Variants in MTPAP observed in about 807,000 individuals in gnomAD.
MTPAP encodes poly(A) RNA polymerase, mitochondrial.
In MTPAP, 23 loss-of-function variants were observed where a neutral mutation model predicts 48.7. The observed-to-expected ratio is 0.47, with a 90% CI of 0.34 to 0.67. The LOEUF (loss-of-function observed/expected upper bound fraction) is 0.67, where lower values mean the gene tolerates loss of function less well. MTPAP is among the 30% of genes least tolerant of loss of function. The pLI, the probability that MTPAP is intolerant of heterozygous loss-of-function variation, is 0.01. For missense variants in MTPAP, 614 were observed against 694.3 expected (o/e 0.88, Z 1.30); for synonymous variants, 257 against 254.1 (o/e 1.01, Z -0.11).
intron 5 of MTPAP, among the ~76,000 whole-genome samples, chr10:30,324,819 T>G (rs1834563886): frequency 6.6e-6 from 1 of 151,782 alleles, no homozygotes; most frequent in South Asian, 2.1e-4. Flanking sequence ...CTGGCCAACA[T>G]GATGAAACCC....
chr10:30,348,351 A>G (rs1300603034), intron 1 of MTPAP, among the ~76,000 whole-genome samples: 1 of 152,234 alleles, frequency 6.6e-6, no homozygotes, highest in Non-Finnish European at 1.5e-5. Context: ...TTTGACTAGA[A>G]GTCTAAATTA....
intron 4 of MTPAP, among the ~76,000 whole-genome samples, chr10:30,335,988 C>T (rs959546465): frequency 1.3e-5 from 2 of 151,556 alleles, no homozygotes; most frequent in African/African-American, 2.4e-5. Flanking sequence ...CCAGGCTGGG[C>T]GACAGAGTGA....
At chr10:30,336,738 A>G in intron 4 of MTPAP, 65 bp downstream of exon 4, 1 of 1,281,576 alleles carries the variant, frequency 7.8e-7, no homozygotes, top group Non-Finnish European at 1.1e-6. Context: ...ATTAAGTTCA[A>G]AGATTTTTCT....
intron 6 of MTPAP, among the ~76,000 whole-genome samples, chr10:30,319,639 T>C (rs929990932): frequency 6.6e-5 from 10 of 152,338 alleles, no homozygotes; most frequent in African/African-American, 2.2e-4. Context: ...AAAATATTGA[T>C]AAATTCTCCT....
intron 4 of MTPAP, among the ~76,000 whole-genome samples, chr10:30,336,024 A>C (rs558380767): frequency 6.6e-6 from 1 of 152,296 alleles, no homozygotes; most frequent in East Asian, 1.9e-4. Context: ...AAAATAAATA[A>C]ATAAAAGAAA....
intron 8 of MTPAP, 83 bp downstream of exon 8, chr10:30,315,880 T>A: frequency 7.6e-7 from 1 of 1,318,532 alleles, no homozygotes; most frequent in African/African-American, 1.5e-5. Context: ...TAACATTTAT[T>A]AGAGTGTTTT....
At position 30,332,990 on chromosome 10, in the gene MTPAP, G is replaced by A. The variant is rs368490032; in HGVS notation, c.780+3813C>T. On this transcript the variant is annotated intron_variant, in intron 4 of 8. Coordinates refer to ENST00000263063, the MANE Select transcript of MTPAP (RefSeq NM_018109.4). ...CAAAAAATTAGCTGGGCGTGGTGGC[G>A]GGCGCCTGTAGTCCCAGCTACTCGG... Among the ~76,000 whole-genome samples, 138 of 151,404 alleles carry A rather than the reference G, an allele frequency of 9.1e-4. 5 individuals are homozygous for A. In the East Asian group the frequency reaches 0.024, roughly 26 times the overall value.
chr10:30,318,852 G>A (rs1840690682), intron 6 of MTPAP, among the ~76,000 whole-genome samples: 1 of 152,144 alleles, frequency 6.6e-6, no homozygotes, highest in Admixed American at 6.5e-5. Context: ...AGAAAAGCTT[G>A]ACAATGCTGA....
chr10:30,326,734 C>A, intron 4 of MTPAP, 99 bp from the exon 5 acceptor site: 2 of 889,068 alleles, frequency 2.2e-6, no homozygotes, highest in Admixed American at 2.6e-5. Flanking sequence ...TGCTGGAAAG[C>A]AAAACAAAAT....
intron 5 of MTPAP, among the ~76,000 whole-genome samples, chr10:30,323,522 T>C (rs535649347): frequency 1.2e-4 from 18 of 152,114 alleles, no homozygotes; most frequent in African/African-American, 4.1e-4. Context: ...ATGTATTTAT[T>C]TATTTGAGAC....
At position 30,312,569 on chromosome 10, in the gene MTPAP, CAAAAAAAAAAAAAAAA is replaced by C. The variant is rs61386643; in HGVS notation, c.*1024_*1039del. 4 of 85,668 alleles carry C rather than the reference CAAAAAAAAAAAAAAAA, an allele frequency of 4.7e-5. No homozygotes were observed. The highest frequency in any genetic ancestry group is 7.3e-5 in the Non-Finnish European group (3 of 40,892). 5.3% of individuals were successfully genotyped at this position (85,668 alleles called of 1,614,324 possible). Reference sequence around the variant, plus strand: ...TGGGCGACAGAGCGAGACTCTGTCTCAAAAAAAAAAAAAAAAAAAAAAGAAAGAAAGAAAATACAGT... The same window carrying C: ...TGGGCGACAGAGCGAGACTCTGTCTCAAAAAAGAAAGAAAGAAAATACAGT... On this transcript the variant is annotated 3_prime_UTR_variant, in exon 9 of 9. Coordinates refer to ENST00000263063, the MANE Select transcript of MTPAP (RefSeq NM_018109.4).
rs187071676 is a variant in MTPAP at position 30,311,143 on chromosome 10, C to T, written c.*2466G>A. Reference sequence around the variant, plus strand: ...GAAAAAAAAATTTCATTTAGAAACCCTTAAGTGGTTTATGCTTTTTAAGCT... The same window carrying T: ...GAAAAAAAAATTTCATTTAGAAACCTTTAAGTGGTTTATGCTTTTTAAGCT... On this transcript the variant is annotated 3_prime_UTR_variant, in exon 9 of 9. Coordinates refer to ENST00000263063, the MANE Select transcript of MTPAP (RefSeq NM_018109.4). 2.0e-5 allele frequency: 3 copies of T among 152,088 alleles called. No homozygotes were observed. Among genetic ancestry groups the T allele is most frequent in the African/African-American group, 7.2e-5 (3 of 41,414 alleles). The allele number at this position is 152,088 out of a possible 1,614,324, so 9.4% of individuals were successfully genotyped here.
intron 4 of MTPAP, among the ~76,000 whole-genome samples, chr10:30,329,026 T>C (rs1834631966): frequency 6.6e-6 from 1 of 151,818 alleles, no homozygotes. Context: ...GGCGGATCAC[T>C]TGAGGTCAGG....
intron 6 of MTPAP, 37 bp from the exon 7 acceptor site, chr10:30,316,247 T>C (rs1156358879): frequency 6.5e-7 from 1 of 1,546,490 alleles, no homozygotes; most frequent in South Asian, 1.1e-5. Flanking sequence ...CGTGTTTTTT[T>C]TTTTTCTTTG....
chr10:30,313,123 T>A lies in MTPAP; in HGVS notation c.*486A>T. On this transcript the variant is annotated 3_prime_UTR_variant, in exon 9 of 9. Coordinates refer to ENST00000263063, the MANE Select transcript of MTPAP (RefSeq NM_018109.4). ...GTACATAACTAAAAGTCATTTTAAA[T>A]GTTTTCTAAACAGGGACTGATGTGG... The A allele has an allele frequency of 5.8e-6, 1 of 172,514 alleles. No individual in the cohort carries two copies. The highest frequency in any genetic ancestry group is 1.3e-5 in the Non-Finnish European group (1 of 79,700). The allele number at this position is 172,514 out of a possible 1,614,324, so 10.7% of individuals were successfully genotyped here.
chr10:30,341,406 A>T (rs1834805068), intron 2 of MTPAP, 62 bp downstream of exon 2: 2 of 1,558,128 alleles, frequency 1.3e-6, no homozygotes, highest in South Asian at 1.2e-5. Flanking sequence ...AAAAACAACT[A>T]ATGGAGACCT....
At position 30,326,605 on chromosome 10, in the gene MTPAP, C is replaced by T. The variant is rs1238843751; in HGVS notation, c.811G>A (p.Val271Met). ...ATTCTTTCTGAAGGAACATTTTTCA[C>T]TTGAAATTCCATCAGAAAATTTCCT... is the stretch of plus-strand genomic sequence containing the variant. ...ISGNFLMEFQ[V>M]KNVPSERIAT... Residue 271 changes from valine to methionine, a missense_variant, in exon 5 of 9, where the codon GTG (valine) becomes ATG (methionine). Transcript: ENST00000263063. 3.7e-6 allele frequency: 6 copies of T among 1,613,790 alleles called. No homozygotes were observed. Among genetic ancestry groups the T allele is most frequent in the East Asian group, 2.2e-5 (1 of 44,896 alleles).
chr10:30,315,810 T>C (rs1340688139), intron 8 of MTPAP, among the ~76,000 whole-genome samples, 153 bp downstream of exon 8: 2 of 152,212 alleles, frequency 1.3e-5, no homozygotes, highest in Non-Finnish European at 2.9e-5. Flanking sequence ...AGTCAAGTCA[T>C]GTAACTTCTC....
intron 8 of MTPAP, among the ~76,000 whole-genome samples, chr10:30,314,653 A>G (rs1250973076): frequency 2.0e-5 from 3 of 152,096 alleles, no homozygotes; most frequent in African/African-American, 7.2e-5. Context: ...CAGGTGGAAC[A>G]CCTGAGGTCA....
Sources: allele counts gnomAD v4.1 joint callset (sites outside exome capture counted in the v4.1 genomes callset), GRCh38; gene constraint gnomAD v4.1.1; transcripts MANE v1.5; gene names NCBI Gene and HGNC (gene_info 2026-07-23, HGNC 2026-07-21).